Variants in GLCCI1 observed in about 807,000 individuals in gnomAD.
GLCCI1 encodes the protein glucocorticoid-induced transcript 1 protein.
A neutral mutation model predicts 52.2 loss-of-function variants in GLCCI1; 24 were observed. That is an observed-to-expected ratio of 0.46 (90% CI 0.33 to 0.65). The LOEUF is 0.65. Among genes scored for constraint, GLCCI1 ranks in the 30% least tolerant of loss-of-function variants. The pLI is 0.02. For missense variants in GLCCI1, 704 were observed against 701.5 expected (o/e 1.00, Z -0.04); for synonymous variants, 310 against 276.5 (o/e 1.12, Z -1.20).
At chr7:8,025,848 A>G (rs1376773852) in intron 3 of GLCCI1, among the ~76,000 whole-genome samples, 1 of 152,262 alleles carries the variant, frequency 6.6e-6, no homozygotes, top group African/African-American at 2.4e-5. Context: ...TCAACCAGGT[A>G]TTCTATATCC....
At chr7:8,062,936 G>A (rs1782549290) in intron 5 of GLCCI1, among the ~76,000 whole-genome samples, 1 of 152,204 alleles carries the variant, frequency 6.6e-6, no homozygotes, top group Non-Finnish European at 1.5e-5. Context: ...ACATATGCGT[G>A]CATGTGTCTT....
intron 4 of GLCCI1, among the ~76,000 whole-genome samples, chr7:8,056,703 A>G (rs1021011584): frequency 6.6e-6 from 1 of 152,172 alleles, no homozygotes; most frequent in Admixed American, 6.5e-5. Flanking sequence ...AAGACAGTTG[A>G]TTTTTTAGAT....
intron 1 of GLCCI1, among the ~76,000 whole-genome samples, chr7:7,989,885 A>G (rs9640055): frequency 0.083 from 12,565 of 152,168 alleles, 687 homozygotes; most frequent in East Asian, 0.19. Context: ...GCTGAGATAT[A>G]GGTGAAAAGA....
chr7:8,055,727 C>CA, intron 4 of GLCCI1, 178 bp downstream of exon 4: 1 of 449,954 alleles, frequency 2.2e-6, no homozygotes, highest in Non-Finnish European at 4.0e-6. Flanking sequence ...TGGTGGCTCA[C>CA]GCCTGTAATC....
intron 1 of GLCCI1, among the ~76,000 whole-genome samples, chr7:7,998,268 G>A (rs894754782): frequency 6.6e-6 from 1 of 151,864 alleles, no homozygotes; most frequent in Non-Finnish European, 1.5e-5. Context: ...CCAGGCTGGA[G>A]TGCAGTGGCG....
chr7:7,992,935 C>A (rs1408860259), intron 1 of GLCCI1, among the ~76,000 whole-genome samples: 1 of 152,058 alleles, frequency 6.6e-6, no homozygotes, highest in Non-Finnish European at 1.5e-5. Flanking sequence ...TTCATATCTT[C>A]CTTGCTGTCA....
intron 2 of GLCCI1, among the ~76,000 whole-genome samples, chr7:8,007,857 A>G (rs1036469032): frequency 5.6e-4 from 85 of 152,316 alleles, no homozygotes; most frequent in Non-Finnish European, 1.5e-4. Context: ...GAAGTAGCAT[A>G]ATGTTGTGAA....
At chr7:8,070,895 G>C in intron 5 of GLCCI1, 26 bp from the exon 6 acceptor site, 1 of 1,589,488 alleles carries the variant, frequency 6.3e-7, no homozygotes, top group Non-Finnish European at 8.6e-7. Context: ...CCAGCATTTG[G>C]ATGTTTAATG....
chr7:8,048,829 T>C (rs1377736536), intron 3 of GLCCI1, among the ~76,000 whole-genome samples: 2 of 152,118 alleles, frequency 1.3e-5, no homozygotes, highest in Non-Finnish European at 2.9e-5. Flanking sequence ...TGAGGAAGAC[T>C]CAGATGGATC....
intron 3 of GLCCI1, among the ~76,000 whole-genome samples, chr7:8,045,659 A>C (rs1458903893): frequency 3.3e-5 from 5 of 152,170 alleles, no homozygotes. Context: ...CCAATGAGGC[A>C]GTTATGCAAA....
intron 4 of GLCCI1, chr7:8,055,774 G>A (rs1461493434): frequency 3.0e-6 from 1 of 333,568 alleles, no homozygotes; most frequent in African/African-American, 2.2e-5. Context: ...CGGATCACGA[G>A]GTCAGGAGAT....
chr7:8,059,684 T>G (rs907617305), intron 4 of GLCCI1, among the ~76,000 whole-genome samples: 6 of 152,218 alleles, frequency 3.9e-5, no homozygotes, highest in African/African-American at 1.4e-4. Context: ...ATTGTCACCA[T>G]ACAGAAAACA....
rs1258252567 is a variant in GLCCI1, at chr7:7,976,478, T to C, written c.457+6671T>C. Among the ~76,000 whole-genome samples the C allele has an allele frequency of 1.2e-3, 6 of 4,810 alleles. No homozygotes were observed. In the Admixed American group the frequency reaches 0.017, roughly 14 times the overall value. The allele number at this position is 4,810 out of a possible 152,430, so 3.2% of individuals were successfully genotyped here. Reference sequence around the variant, plus strand: ...TGGGCAACAAGAGTGAAACTCCATCTCAAAAAAAAAAAAAAAAAAAGGAAA... The same window carrying C: ...TGGGCAACAAGAGTGAAACTCCATCCCAAAAAAAAAAAAAAAAAAAGGAAA... On this transcript the variant is annotated intron_variant, in intron 1 of 7. Coordinates refer to ENST00000223145, the MANE Select transcript of GLCCI1 (RefSeq NM_138426.4).
At chr7:8,076,360 G>A (rs1230257913) in intron 6 of GLCCI1, among the ~76,000 whole-genome samples, 1 of 152,036 alleles carries the variant, frequency 6.6e-6, no homozygotes, top group East Asian at 1.9e-4. Flanking sequence ...ACCTTTTGGT[G>A]GTAAAATTAC....
intron 7 of GLCCI1, among the ~76,000 whole-genome samples, chr7:8,085,606 C>T (rs907337222): frequency 6.6e-6 from 1 of 152,124 alleles, no homozygotes; most frequent in Non-Finnish European, 1.5e-5. Context: ...GTGGAGGGTG[C>T]AGTGCTCTTG....
intron 3 of GLCCI1, among the ~76,000 whole-genome samples, chr7:8,048,928 C>T (rs970967417): frequency 1.3e-5 from 2 of 152,148 alleles, no homozygotes; most frequent in Non-Finnish European, 2.9e-5. Context: ...CACATTTACC[C>T]TTTGTCCCAG....
chr7:8,079,354 T>C (rs1214626189), intron 6 of GLCCI1, among the ~76,000 whole-genome samples: 3 of 151,824 alleles, frequency 2.0e-5, no homozygotes, highest in African/African-American at 7.3e-5. Flanking sequence ...AAATTAAGAT[T>C]GTATTACAGT....
chr7:8,025,937 C>G (rs1392884913), intron 3 of GLCCI1, among the ~76,000 whole-genome samples: 1 of 152,172 alleles, frequency 6.6e-6, no homozygotes, highest in African/African-American at 2.4e-5. Context: ...CCCTGTCAGA[C>G]TGTCTTATAA....
At chr7:8,073,915 G>A (rs987731943) in intron 6 of GLCCI1, among the ~76,000 whole-genome samples, 3 of 152,154 alleles carry the variant, frequency 2.0e-5, no homozygotes, top group Non-Finnish European at 4.4e-5. Context: ...GGAAAACTGT[G>A]TAGCTCTCTG....
Sources: allele counts gnomAD v4.1 joint callset (sites outside exome capture counted in the v4.1 genomes callset), GRCh38; gene constraint gnomAD v4.1.1; transcripts MANE v1.5; gene names NCBI Gene and HGNC (gene_info 2026-07-23, HGNC 2026-07-21).